Variants in CNTNAP2 observed in about 807,000 individuals in gnomAD.
CNTNAP2 encodes the protein contactin-associated protein-like 2.
In CNTNAP2, 98 loss-of-function variants were observed where a neutral mutation model predicts 155.2. That is an observed-to-expected ratio of 0.63 (90% CI 0.54 to 0.75). The LOEUF is 0.75. CNTNAP2 is among the 30% of genes least tolerant of loss of function. The pLI is 0.00. For synonymous variants in CNTNAP2, 651 were observed against 631.2 expected (o/e 1.03, Z -0.47); for missense variants, 1,727 against 1,688.1 (o/e 1.02, Z -0.40).
At position 148,172,444 on chromosome 7, in the gene CNTNAP2, T is replaced by C. The variant is rs1240944880; in HGVS notation, c.2976T>C (p.Ser992=). 6.2e-7 allele frequency: 1 copy of C among 1,614,102 alleles called. No individual in the cohort carries two copies. Among genetic ancestry groups the C allele is most frequent in the African/African-American group, 1.3e-5 (1 of 74,936 alleles). ...ERYHGYSCDC[S]NTAYDGTFCN... ...ACCACGGTTACTCCTGCGATTGCTC[T>C]AATACTGCATATGATGGAACATTTT... The change falls in exon 18 of 24, where the codon TCT becomes TCC. Residue 992 remains serine, a synonymous_variant. Transcript: ENST00000361727.
At chr7:146,150,612 A>G (rs1281707625) in intron 1 of CNTNAP2, among the ~76,000 whole-genome samples, 1 of 151,764 alleles carries the variant, frequency 6.6e-6, no homozygotes, top group Non-Finnish European at 1.5e-5. Flanking sequence ...CATAGGGGCA[A>G]TTTAACTCCT....
intron 8 of CNTNAP2, among the ~76,000 whole-genome samples, chr7:147,221,831 C>T (rs1803408091): frequency 6.6e-6 from 1 of 152,128 alleles, no homozygotes; most frequent in Non-Finnish European, 1.5e-5. Flanking sequence ...TCTCCTTAAC[C>T]ATTGAAAGAT....
At chr7:147,156,464 G>C (rs1801928399) in intron 8 of CNTNAP2, among the ~76,000 whole-genome samples, 1 of 152,128 alleles carries the variant, frequency 6.6e-6, no homozygotes, top group Admixed American at 6.5e-5. Context: ...ATGCAAAATT[G>C]TCAAATATAT....
intron 1 of CNTNAP2, among the ~76,000 whole-genome samples, chr7:146,618,908 A>G (rs1481051235): frequency 2.0e-5 from 3 of 151,990 alleles, no homozygotes; most frequent in African/African-American, 7.2e-5. Context: ...TGTCCCTACT[A>G]AAGATACAAA....
chr7:147,597,028 A>T (rs1344223031), intron 12 of CNTNAP2, among the ~76,000 whole-genome samples: 1 of 152,180 alleles, frequency 6.6e-6, no homozygotes, highest in Non-Finnish European at 1.5e-5. Context: ...TTCCCAGAAA[A>T]CTCATGAATA....
At chr7:147,082,510 T>C (rs1041571314) in intron 4 of CNTNAP2, 1 of 152,180 alleles carries the variant, frequency 6.6e-6, no homozygotes, top group Non-Finnish European at 1.5e-5. Flanking sequence ...AGCTAAAAGC[T>C]GCAATTTGTA....
At chr7:148,389,015 A>C (rs1039574716) in intron 22 of CNTNAP2, among the ~76,000 whole-genome samples, 1 of 152,126 alleles carries the variant, frequency 6.6e-6, no homozygotes, top group Non-Finnish European at 1.5e-5. Flanking sequence ...CAGTCTGCCC[A>C]TTCTCAGATC....
At chr7:146,856,261 TATAGATAGATAGATAGATAG>T (rs72247117) in intron 3 of CNTNAP2, among the ~76,000 whole-genome samples, 1,380 of 135,260 alleles carry the variant, frequency 0.01, 18 homozygotes, top group Non-Finnish European at 0.016. Flanking sequence ...AGATGATAGA[TATAGATAGATAGATAGATAG>T]ATAGATAGAT....
intron 4 of CNTNAP2, among the ~76,000 whole-genome samples, chr7:147,096,143 C>T (rs11980309): frequency 0.13 from 20,086 of 152,110 alleles, 2,625 homozygotes; most frequent in African/African-American, 0.34. Flanking sequence ...TAATTATTAG[C>T]AGACTAATTG....
In CNTNAP2 at chr7:148,393,265, A is replaced by G. The variant is rs537702692; in HGVS notation, c.3715+9377A>G. Among the ~76,000 whole-genome samples the G allele has an allele frequency of 3.3e-5, 5 of 152,280 alleles. 1 individual carries two copies. The highest frequency in any genetic ancestry group is 2.0e-4 in the Admixed American group (3 of 15,288). On this transcript the variant is annotated intron_variant, in intron 22 of 23. Coordinates refer to ENST00000361727, the MANE Select transcript of CNTNAP2 (RefSeq NM_014141.6). Reference sequence around the variant, plus strand: ...CAGATCCCTTTTCTCTCCTTATGCTAAGACTGCATGATTAATGCATTTTTA... The same window carrying G: ...CAGATCCCTTTTCTCTCCTTATGCTGAGACTGCATGATTAATGCATTTTTA...
At chr7:146,649,397 A>G (rs1799867807) in intron 1 of CNTNAP2, among the ~76,000 whole-genome samples, 1 of 152,150 alleles carries the variant, frequency 6.6e-6, no homozygotes, top group South Asian at 2.1e-4. Flanking sequence ...AGTAGAACTT[A>G]TGATACATGT....
At chr7:146,278,310 T>C (rs1334844738) in intron 1 of CNTNAP2, among the ~76,000 whole-genome samples, 1 of 152,174 alleles carries the variant, frequency 6.6e-6, no homozygotes, top group African/African-American at 2.4e-5. Flanking sequence ...AAATTCTGAG[T>C]GTCTTGAAAT....
At chr7:147,325,596 G>C (rs1274648631) in intron 9 of CNTNAP2, among the ~76,000 whole-genome samples, 1 of 152,046 alleles carries the variant, frequency 6.6e-6, no homozygotes, top group Non-Finnish European at 1.5e-5. Flanking sequence ...TATTGATTTG[G>C]CTTTTCTTTT....
chr7:146,149,278 T>C, intron 1 of CNTNAP2, among the ~76,000 whole-genome samples: 1 of 152,066 alleles, frequency 6.6e-6, no homozygotes, highest in Non-Finnish European at 1.5e-5. Flanking sequence ...CTTTGTTAGG[T>C]GAAGAAAATG....
At chr7:146,679,339 T>A (rs143779608) in intron 1 of CNTNAP2, among the ~76,000 whole-genome samples, 1,742 of 131,824 alleles carry the variant, frequency 0.013, 20 homozygotes, top group Middle Eastern at 0.051. Context: ...AAGGACATGA[T>A]CTTGTTTCTT....
intron 5 of CNTNAP2, among the ~76,000 whole-genome samples, chr7:147,116,033 T>C (rs1800980691): frequency 6.6e-6 from 1 of 152,190 alleles, no homozygotes; most frequent in Admixed American, 6.5e-5. Context: ...TTTGTTTTTC[T>C]TTTAATAGCC....
At chr7:146,450,846 G>A (rs926651006) in intron 1 of CNTNAP2, among the ~76,000 whole-genome samples, 4 of 151,740 alleles carry the variant, frequency 2.6e-5, no homozygotes, top group Admixed American at 2.0e-4. Flanking sequence ...AGCAATTTTC[G>A]GTCTTTTAAA....
chr7:147,806,334 A>C (rs1798089974), intron 13 of CNTNAP2, among the ~76,000 whole-genome samples: 1 of 152,218 alleles, frequency 6.6e-6, no homozygotes, highest in African/African-American at 2.4e-5. Flanking sequence ...AAAAAGATAA[A>C]ATAATAACAG....
At chr7:147,245,720 C>T (rs890176792) in intron 8 of CNTNAP2, among the ~76,000 whole-genome samples, 15 of 134,406 alleles carry the variant, frequency 1.1e-4, no homozygotes, top group Non-Finnish European at 1.5e-5. Context: ...TGAGATCATG[C>T]CACTGCACTC....
Sources: gnomAD v4.1 joint callset for allele counts (sites outside exome capture counted in the v4.1 genomes callset) on GRCh38, gnomAD v4.1.1 for gene constraint, MANE v1.5 for transcripts, NCBI Gene and HGNC (gene_info 2026-07-23, HGNC 2026-07-21) for gene names.